The following MYBPHL variants were observed in gnomAD, a reference collection of about 807,000 sequenced individuals.
MYBPHL encodes the protein myosin-binding protein H-like.
Under a neutral mutation model 39.5 loss-of-function variants are expected in MYBPHL, and 32 were observed. The ratio of observed to expected loss-of-function variants is 0.81; its 90% CI spans 0.61 to 1.09. MYBPHL has a LOEUF of 1.09. Among genes scored for constraint, MYBPHL ranks in the 50% least tolerant of loss-of-function variants. MYBPHL has a pLI of 0.00. For missense variants in MYBPHL, 456 were observed against 460.2 expected (o/e 0.99, Z 0.08); for synonymous variants, 196 against 183.7 (o/e 1.07, Z -0.54).
chr1:109,298,325 C>G, intron 1 of MYBPHL, 68 bp from the exon 2 acceptor site: 7 of 1,431,490 alleles, frequency 4.9e-6, no homozygotes, highest in Non-Finnish European at 6.8e-6. Flanking sequence ...ATCCAGCTGC[C>G]TGCTGTGGGT....
intron 1 of MYBPHL, among the ~76,000 whole-genome samples, chr1:109,299,771 A>G (rs1658220286): frequency 6.6e-6 from 1 of 152,172 alleles, no homozygotes. Flanking sequence ...TCAGGTCTTG[A>G]CTGCCTCAGC....
chr1:109,298,461 G>A (rs967004727), intron 1 of MYBPHL, among the ~76,000 whole-genome samples: 1 of 152,172 alleles, frequency 6.6e-6, no homozygotes, highest in Non-Finnish European at 1.5e-5. Context: ...AAACATTAAA[G>A]TCTCAGCAGA....
At chr1:109,304,591 C>T (rs940194786) in intron 1 of MYBPHL, among the ~76,000 whole-genome samples, 2 of 152,192 alleles carry the variant, frequency 1.3e-5, no homozygotes, top group Non-Finnish European at 2.9e-5. Context: ...CCTATGGGAG[C>T]AGTGGGGGAT....
chr1:109,301,749 A>C (rs78340013), intron 1 of MYBPHL, among the ~76,000 whole-genome samples: 2 of 51,980 alleles, frequency 3.8e-5, no homozygotes, highest in Admixed American at 5.6e-4. Flanking sequence ...CTCAAAAAGA[A>C]AAAAAAAAAA....
chr1:109,301,595 G>A (rs1658280374), intron 1 of MYBPHL, among the ~76,000 whole-genome samples: 1 of 152,076 alleles, frequency 6.6e-6, no homozygotes, highest in Non-Finnish European at 1.5e-5. Flanking sequence ...ACAAAAATTA[G>A]CCAGGTGTGG....
rs1258170359 is a variant in MYBPHL, at chr1:109,296,868, A to G, written c.645T>C (p.Tyr215=). ...IVSDLIIGNS[Y]AFRVFAENQC... ...GGTTTTCAGCAAAGACACGGAAGGC[A>G]TAGGAGTTGCCGATGATGAGGTCAG... The change falls in exon 5 of 9, where the codon TAT becomes TAC. Residue 215 remains tyrosine (Y), a synonymous_variant. Coordinates refer to ENST00000357155, the MANE Select transcript of MYBPHL (RefSeq NM_001010985.3). 12 of 1,614,200 alleles carry G rather than the reference A, an allele frequency of 7.4e-6. No individual in the cohort carries two copies. The highest frequency in any genetic ancestry group is 8.5e-6 in the Non-Finnish European group (10 of 1,180,040).
At chr1:109,293,740 A>AAAGT (rs1657947391) in intron 8 of MYBPHL, among the ~76,000 whole-genome samples, 1 of 144,550 alleles carries the variant, frequency 6.9e-6, no homozygotes, top group Non-Finnish European at 1.5e-5. Context: ...ACTCTGTCTC[A>AAAGT]AAATAAATAA....
chr1:109,292,656 G>C (rs1371688234), intron 8 of MYBPHL, 68 bp from the exon 9 acceptor site: 1 of 152,226 alleles, frequency 6.6e-6, no homozygotes. Flanking sequence ...GGAGGTGAGG[G>C]AGGGAGAGTT....
intron 1 of MYBPHL, 69 bp from the exon 2 acceptor site, chr1:109,298,326 T>A: frequency 7.1e-7 from 1 of 1,410,418 alleles, no homozygotes; most frequent in East Asian, 2.4e-5. Context: ...TCCAGCTGCC[T>A]GCTGTGGGTG....
intron 1 of MYBPHL, among the ~76,000 whole-genome samples, chr1:109,300,320 C>A (rs549671899): frequency 6.6e-6 from 1 of 152,370 alleles, no homozygotes; most frequent in South Asian, 2.1e-4. Context: ...GTCTTGCCCA[C>A]CAGTGTCCAC....
intron 3 of MYBPHL, 105 bp downstream of exon 3, chr1:109,297,317 C>T (rs1242950529): frequency 2.2e-5 from 34 of 1,558,864 alleles, no homozygotes; most frequent in East Asian, 4.5e-5. Context: ...CCAGACATGA[C>T]GTGGGAGCCT....
At chr1:109,306,769 G>A (rs545420098) in intron 1 of MYBPHL, 78 bp downstream of exon 1, 36 of 1,300,174 alleles carry the variant, frequency 2.8e-5, no homozygotes, top group South Asian at 3.2e-5. Context: ...AACCTGAGGC[G>A]CCGTTCAGGA....
chr1:109,306,317 CAG>C (rs1658467422), intron 1 of MYBPHL, among the ~76,000 whole-genome samples: 1 of 152,112 alleles, frequency 6.6e-6, no homozygotes, highest in African/African-American at 2.4e-5. Context: ...CCGTGGAGCT[CAG>C]ACTCTGAGGG....
intron 6 of MYBPHL, among the ~76,000 whole-genome samples, chr1:109,295,851 G>T (rs972075192): frequency 6.6e-6 from 1 of 152,236 alleles, no homozygotes; most frequent in Non-Finnish European, 1.5e-5. Context: ...GCCTTGCTCA[G>T]GGTTGTGGCA....
intron 1 of MYBPHL, among the ~76,000 whole-genome samples, chr1:109,303,290 G>A (rs551850898): frequency 1.2e-4 from 18 of 151,980 alleles, no homozygotes; most frequent in Non-Finnish European, 2.4e-4. Flanking sequence ...TTTCATGTTA[G>A]CACTTTCTTC....
At chr1:109,295,459 C>T (rs1359872902) in intron 6 of MYBPHL, among the ~76,000 whole-genome samples, 162 bp from the exon 7 acceptor site, 1 of 152,222 alleles carries the variant, frequency 6.6e-6, no homozygotes, top group East Asian at 1.9e-4. Flanking sequence ...CCAGTGCCAC[C>T]AGCAGTCCCC....
At chr1:109,294,610 C>T (rs1427133785) in intron 7 of MYBPHL, among the ~76,000 whole-genome samples, 2 of 152,140 alleles carry the variant, frequency 1.3e-5, no homozygotes, top group African/African-American at 4.8e-5. Flanking sequence ...AACAAGGTGA[C>T]AGGTATAGAT....
chr1:109,296,799 G>A lies in MYBPHL; in HGVS notation c.714C>T (p.Ala238=). The A allele has an allele frequency of 1.2e-6, 2 of 1,614,106 alleles. No homozygotes were observed. The highest frequency in any genetic ancestry group is 1.3e-5 in the African/African-American group (1 of 75,012). ...SETAPITTDL[A]HIQKAATVYK... ...CTCCCTTACCTGCTTTCTGGATGTG[G>A]GCGAGGTCCGTAGTGATGGGGGCTG... The change falls in exon 5 of 9, where the codon GCC becomes GCT. Residue 238 remains alanine, a synonymous_variant. Transcript: ENST00000357155.
chr1:109,302,861 G>C (rs192917317), intron 1 of MYBPHL, among the ~76,000 whole-genome samples: 131 of 152,268 alleles, frequency 8.6e-4, no homozygotes, highest in African/African-American at 3.0e-3. Flanking sequence ...GTGGCTGCCC[G>C]GCCACCTTTT....
Sources: allele counts gnomAD v4.1 joint callset (sites outside exome capture counted in the v4.1 genomes callset), GRCh38; gene constraint gnomAD v4.1.1; transcripts MANE v1.5; gene names NCBI Gene and HGNC (gene_info 2026-07-23, HGNC 2026-07-21).